The following RGS6 variants were observed in gnomAD, a reference collection of about 807,000 sequenced individuals.
The protein encoded by RGS6 is regulator of G protein signaling 6.
A neutral mutation model predicts 78.5 loss-of-function variants in RGS6; 30 were observed. That is an observed-to-expected ratio of 0.38 (90% confidence interval 0.29 to 0.52). The LOEUF is 0.52. RGS6 is among the 20% of genes least tolerant of loss of function. The probability of loss-of-function intolerance (pLI) is 0.85; values close to 1 mark genes in which losing one functional copy is unlikely to be tolerated. For missense variants in RGS6, 495 were observed against 609.7 expected (o/e 0.81, Z 1.98); for synonymous variants, 206 against 206.0 (o/e 1.00, Z 0.00).
chr14:71,920,117 T>G, the RGS6 span, among the ~76,000 whole-genome samples: 1 of 152,218 alleles, frequency 6.6e-6, no homozygotes, highest in South Asian at 2.1e-4. Flanking sequence ...GGTAAACTAA[T>G]CATCCTACCC....
chr14:71,882,788 A>G, the RGS6 span, among the ~76,000 whole-genome samples: 41 of 152,352 alleles, frequency 2.7e-4, no homozygotes, highest in African/African-American at 9.4e-4. Flanking sequence ...TTTAATGTTA[A>G]TTAGGATGAT....
rs1186242861 is a variant in RGS6 at position 72,526,267 on chromosome 14, C to A, written c.1278+7730C>A. On this transcript the variant is annotated intron_variant, in intron 15 of 17. Transcript: ENST00000553525. Reference sequence around the variant, plus strand: ...TACAGGTACCTGCCACCACGCCCAGCTAATTTTTTGTTTTTTTTTAGTAGA... The same window carrying A: ...TACAGGTACCTGCCACCACGCCCAGATAATTTTTTGTTTTTTTTTAGTAGA... Among the ~76,000 whole-genome samples, 8 of 85,856 alleles carry A rather than the reference C, an allele frequency of 9.3e-5. No homozygotes were observed. In the Admixed American group the frequency reaches 1.1e-3, roughly 11 times the overall value. The allele number at this position is 85,856 out of a possible 152,430, so 56.3% of individuals were successfully genotyped here.
intron 15 of RGS6, among the ~76,000 whole-genome samples, chr14:72,527,403 G>A (rs1286353964): frequency 3.3e-5 from 5 of 152,196 alleles, no homozygotes; most frequent in African/African-American, 4.8e-5. Flanking sequence ...GGGTCACAGA[G>A]CTCTGGGTTC....
At chr14:72,237,837 C>A (rs549841044) in intron 2 of RGS6, among the ~76,000 whole-genome samples, 2 of 152,144 alleles carry the variant, frequency 1.3e-5, no homozygotes, top group African/African-American at 4.8e-5. Context: ...GGGTTGTCTG[C>A]GACCTCTGGA....
chr14:72,506,805 G>A (rs926675749), intron 13 of RGS6, among the ~76,000 whole-genome samples: 8 of 151,878 alleles, frequency 5.3e-5, no homozygotes, highest in East Asian at 1.9e-4. Flanking sequence ...AGATGAGGTC[G>A]TACTTGAATA....
At chr14:72,488,157 C>A (rs75377031) in intron 12 of RGS6, among the ~76,000 whole-genome samples, 1 of 152,162 alleles carries the variant, frequency 6.6e-6, no homozygotes, top group African/African-American at 2.4e-5. Flanking sequence ...ATTTCCCTTC[C>A]GACCAGTACC....
intron 13 of RGS6, among the ~76,000 whole-genome samples, chr14:72,496,114 C>T (rs1420212084): frequency 6.6e-6 from 1 of 152,200 alleles, no homozygotes; most frequent in East Asian, 1.9e-4. Flanking sequence ...CGCAGATGCT[C>T]ATTCTAAAAA....
At chr14:72,162,347 C>T (rs370751957) in intron 2 of RGS6, among the ~76,000 whole-genome samples, 39 of 152,246 alleles carry the variant, frequency 2.6e-4, no homozygotes, top group African/African-American at 8.9e-4. Context: ...CCCTGCTGGG[C>T]CATCTGGAAG....
In RGS6 at chr14:72,548,385, T is replaced by C. The variant is rs974200791; in HGVS notation, c.1422+8291T>C. Among the ~76,000 whole-genome samples the C allele has an allele frequency of 5.9e-5, 9 of 151,622 alleles. No homozygotes were observed. In the East Asian group the frequency reaches 1.7e-3, roughly 29 times the overall value. On this transcript the variant is annotated intron_variant, in intron 17 of 17. Transcript: ENST00000553525. The stretch of plus-strand genomic sequence containing the variant: ...TGTGTGTGTGTGTTTTAAATTCAGT[T>C]TCCCAACTACAGGATGGCATTTGTA...
At chr14:72,315,474 G>T (rs754978100) in intron 2 of RGS6, among the ~76,000 whole-genome samples, 1 of 152,324 alleles carries the variant, frequency 6.6e-6, no homozygotes, top group Non-Finnish European at 1.5e-5. Flanking sequence ...AAATCTGTAG[G>T]TGAACTGAAT....
At chr14:72,083,033 G>A (rs1195449627) in intron 2 of RGS6, among the ~76,000 whole-genome samples, 2 of 152,168 alleles carry the variant, frequency 1.3e-5, no homozygotes, top group Non-Finnish European at 2.9e-5. Flanking sequence ...CATACCTCTA[G>A]ATGTACCAGT....
intron 2 of RGS6, among the ~76,000 whole-genome samples, chr14:72,289,738 C>T (rs1488093831): frequency 6.6e-6 from 1 of 152,198 alleles, no homozygotes; most frequent in Non-Finnish European, 1.5e-5. Flanking sequence ...AATCTCTCTT[C>T]CCACAGAAGA....
At chr14:72,328,449 G>T (rs906528766) in intron 2 of RGS6, among the ~76,000 whole-genome samples, 6 of 152,106 alleles carry the variant, frequency 3.9e-5, no homozygotes, top group Non-Finnish European at 7.3e-5. Flanking sequence ...AGCAAGAAAT[G>T]GTTCCTACTT....
chr14:72,159,368 C>T (rs2096821457), intron 2 of RGS6, among the ~76,000 whole-genome samples: 2 of 152,162 alleles, frequency 1.3e-5, no homozygotes, highest in Non-Finnish European at 2.9e-5. Flanking sequence ...AGGGTAGGCG[C>T]TCCAAAGAGT....
At chr14:72,464,061 G>A (rs896890777) in intron 6 of RGS6, among the ~76,000 whole-genome samples, 12 of 152,088 alleles carry the variant, frequency 7.9e-5, no homozygotes, top group African/African-American at 1.9e-4. Context: ...TAAATCAACC[G>A]CACTCAAAAT....
intron 1 of RGS6, among the ~76,000 whole-genome samples, chr14:71,951,519 A>G (rs1375875795): frequency 2.6e-5 from 4 of 152,152 alleles, no homozygotes; most frequent in East Asian, 3.8e-4. Context: ...ACGTTTACCT[A>G]TGTAACAAAC....
chr14:72,290,026 C>A (rs1004324432), intron 2 of RGS6, among the ~76,000 whole-genome samples: 12 of 152,148 alleles, frequency 7.9e-5, no homozygotes, highest in African/African-American at 2.9e-4. Context: ...ACTATCAAGA[C>A]AGATAGAACT....
chr14:72,224,893 T>A (rs549212658), intron 2 of RGS6, among the ~76,000 whole-genome samples: 2 of 152,228 alleles, frequency 1.3e-5, no homozygotes, highest in South Asian at 4.2e-4. Flanking sequence ...CCATGGTTTG[T>A]GTGGGAAAAA....
chr14:72,399,455 C>T (rs535226084), intron 3 of RGS6, among the ~76,000 whole-genome samples: 219 of 152,212 alleles, frequency 1.4e-3, no homozygotes, highest in African/African-American at 5.0e-3. Flanking sequence ...TTCCTGAATA[C>T]AGCACACTGC....
Sources: gnomAD v4.1 joint callset for allele counts (sites outside exome capture counted in the v4.1 genomes callset) on GRCh38, gnomAD v4.1.1 for gene constraint, MANE v1.5 for transcripts, NCBI Gene and HGNC (gene_info 2026-07-23, HGNC 2026-07-21) for gene names.